PHF14: variants seen among roughly 807,000 people sequenced by gnomAD.
The protein encoded by PHF14 is PHD finger protein 14.
Under a neutral mutation model 117.9 loss-of-function variants are expected in PHF14, and 55 were observed. The ratio of observed to expected loss-of-function variants is 0.47; its 90% CI spans 0.38 to 0.58. The LOEUF is 0.58. Ranked by LOEUF, PHF14 falls within the 20% of genes least tolerant of loss-of-function variation. PHF14 has a pLI of 0.00. For missense variants in PHF14, 978 were observed against 1,122.2 expected (o/e 0.87, Z 1.84); for synonymous variants, 409 against 368.6 (o/e 1.11, Z -1.26).
rs757874460 is a variant in PHF14 at position 10,982,674 on chromosome 7, A to G, written c.415A>G (p.Thr139Ala). 8.2e-6 allele frequency: 13 copies of G among 1,588,508 alleles called. No homozygotes were observed. The highest frequency in any genetic ancestry group is 3.4e-5 in the South Asian group (3 of 88,086). ...KEREKEKEKA[T>A]VSENVAASAA... ...AAGAGAGAAGGAAAAAGAAAAAGCA[A>G]CAGTATCTGAGAATGTGGCTGCTTC... The change falls in exon 3 of 18, where the codon ACA (threonine) becomes GCA (alanine). Residue 139 changes from threonine to alanine, a missense_variant. Physicochemically the swap from Thr to Ala is moderately conservative, Grantham distance 58. Around this residue, in one of 7 missense-constraint regions of PHF14, gnomAD observed 414 missense variants for 376.4 expected, o/e 1.10. Transcript: ENST00000634607.
chr7:10,978,998 C>CT (rs1426327132), intron 2 of PHF14, among the ~76,000 whole-genome samples: 1 of 152,104 alleles, frequency 6.6e-6, no homozygotes, highest in African/African-American at 2.4e-5. Flanking sequence ...GATCTGTTAT[C>CT]TATTGTGTAT....
In PHF14 at chr7:11,163,995, A is replaced by G. The variant is rs527510666; in HGVS notation, c.2773-5421A>G. ...GTATTCTTACACTTTTAAAAGAAACATTATTAAAGTATAGAGATAATTCTG... is the reference window on the plus strand; with the variant it reads ...GTATTCTTACACTTTTAAAAGAAACGTTATTAAAGTATAGAGATAATTCTG... On this transcript the variant is annotated intron_variant, in intron 17 of 17. Coordinates refer to ENST00000634607, the MANE Select transcript of PHF14 (RefSeq NM_001007157.2). Among the ~76,000 whole-genome samples the G allele has an allele frequency of 7.9e-5, 12 of 152,328 alleles. No individual in the cohort carries two copies. In the South Asian group the frequency reaches 2.3e-3, roughly 29 times the overall value.
intron 14 of PHF14, among the ~76,000 whole-genome samples, 194 bp downstream of exon 14, chr7:11,051,974 T>G (rs1213512941): frequency 6.6e-6 from 1 of 152,158 alleles, no homozygotes; most frequent in Non-Finnish European, 1.5e-5. Flanking sequence ...TATATTTTGT[T>G]GGAGGCATAA....
chr7:11,036,038 C>A (rs1327819533), intron 8 of PHF14, among the ~76,000 whole-genome samples: 1 of 152,118 alleles, frequency 6.6e-6, no homozygotes, highest in African/African-American at 2.4e-5. Flanking sequence ...GGAAATTACT[C>A]TATCAGTGCA....
At chr7:11,058,302 A>T (rs2128328485) in intron 14 of PHF14, among the ~76,000 whole-genome samples, 1 of 151,764 alleles carries the variant, frequency 6.6e-6, no homozygotes, top group South Asian at 2.1e-4. Flanking sequence ...ATGTTTTGGG[A>T]TTCATTCAAG....
Position 11,130,362 on chromosome 7 carries a change from G to A in PHF14, c.2772+18895G>A. The stretch of plus-strand genomic sequence containing the variant: ...TCCAGGATTCAAGGAAATCCTTGGA[G>A]AGAGAGAGAACGTATATACAATTTA... On this transcript the variant is annotated intron_variant, in intron 17 of 17. Transcript: ENST00000634607. This position sits in a 1 kb window ranked among gnomAD's most constrained non-coding sequence, Gnocchi z 4.2. Among the ~76,000 whole-genome samples the A allele has an allele frequency of 6.6e-6, 1 of 151,958 alleles. No individual in the cohort carries two copies. Among genetic ancestry groups the A allele is most frequent in the Non-Finnish European group, 1.5e-5 (1 of 67,910 alleles).
At chr7:10,984,942 G>C (rs1299464283) in intron 3 of PHF14, among the ~76,000 whole-genome samples, 2 of 152,116 alleles carry the variant, frequency 1.3e-5, no homozygotes, top group Admixed American at 6.5e-5. Context: ...TCTTCGAAAA[G>C]TGCCCATGTA....
At chr7:11,077,324 G>A (rs973674905) in intron 16 of PHF14, among the ~76,000 whole-genome samples, 5 of 151,106 alleles carry the variant, frequency 3.3e-5, no homozygotes, top group South Asian at 2.1e-4. Context: ...AGATTCAGCC[G>A]GGCGCAGTGG....
chr7:11,011,156 A>C (rs1034728998), intron 4 of PHF14, among the ~76,000 whole-genome samples: 1 of 152,238 alleles, frequency 6.6e-6, no homozygotes, highest in African/African-American at 2.4e-5. Context: ...GTAACCACTG[A>C]CATATAATGA....
chr7:11,131,690 C>T (rs1045759825), intron 17 of PHF14, among the ~76,000 whole-genome samples: 2 of 151,702 alleles, frequency 1.3e-5, no homozygotes, highest in African/African-American at 4.8e-5. Flanking sequence ...GGTATTGTAT[C>T]ATCAAATTTG....
At chr7:10,976,769 T>C (rs1781880904) in intron 2 of PHF14, among the ~76,000 whole-genome samples, 2 of 151,386 alleles carry the variant, frequency 1.3e-5, no homozygotes, top group African/African-American at 4.9e-5. Flanking sequence ...TTTGTTAGGT[T>C]GATATATCTA....
chr7:11,132,418 A>G (rs533106125), intron 17 of PHF14, among the ~76,000 whole-genome samples: 1 of 151,386 alleles, frequency 6.6e-6, no homozygotes, highest in East Asian at 1.9e-4. Context: ...GTTGTGGCAG[A>G]TGGCGAGATC....
At chr7:11,006,614 G>T in intron 4 of PHF14, 1 of 614,046 alleles carries the variant, frequency 1.6e-6, no homozygotes, top group Non-Finnish European at 3.1e-6. Flanking sequence ...TCTTCTTCAT[G>T]GCAGACTCAG....
chr7:11,080,261 A>C (rs1258852691), intron 16 of PHF14, among the ~76,000 whole-genome samples: 1 of 152,146 alleles, frequency 6.6e-6, no homozygotes, highest in Non-Finnish European at 1.5e-5. Flanking sequence ...TATTTAAAAA[A>C]CAATAAAATT....
intron 14 of PHF14, among the ~76,000 whole-genome samples, chr7:11,051,996 C>G (rs2128326839): frequency 6.6e-6 from 1 of 152,208 alleles, no homozygotes; most frequent in East Asian, 1.9e-4. Context: ...ATAAGGAACA[C>G]ACCAGAGCAT....
Position 11,051,733 on chromosome 7 carries a change from C to G in PHF14, c.2434C>G (p.Pro812Ala). 6.2e-7 allele frequency: 1 copy of G among 1,613,518 alleles called. No homozygotes were observed. The highest frequency in any genetic ancestry group is 8.5e-7 in the Non-Finnish European group (1 of 1,179,656). ...GATTAAGGAACCAGTGAAATTTGTT[C>G]CACAGGATGTGCCACCAGAACCCAA... is the stretch of plus-strand genomic sequence containing the variant. Reference protein sequence around the residue: ...RQIKEPVKFVPQDVPPEPKKI... With the variant: ...RQIKEPVKFVAQDVPPEPKKI... The change falls in exon 14 of 18, where the codon CCA (proline) becomes GCA (alanine). Residue 812 changes from proline to alanine, a missense_variant. Around this residue, in one of 7 missense-constraint regions of PHF14, gnomAD observed 180 missense variants for 195.4 expected, o/e 0.92. Coordinates refer to ENST00000634607, the MANE Select transcript of PHF14 (RefSeq NM_001007157.2).
chr7:11,121,640 G>A (rs1787755376), intron 17 of PHF14, among the ~76,000 whole-genome samples: 1 of 152,028 alleles, frequency 6.6e-6, no homozygotes, highest in Admixed American at 6.6e-5. Flanking sequence ...TAAAATAAGG[G>A]TTACTTGGAC....
At position 11,066,522 on chromosome 7, in the gene PHF14, T is replaced by G. The variant is rs185779766; in HGVS notation, c.2654+4437T>G. Among the ~76,000 whole-genome samples, 7 of 152,310 alleles carry G rather than the reference T, an allele frequency of 4.6e-5. No homozygotes were observed. In the East Asian group the frequency reaches 1.4e-3, roughly 29 times the overall value. ...TAGGTCCAGGTGACAAAAACTTTCTTCTTTGTTTTCTTCTAGAAGCTTTGT... is the reference window on the plus strand; with the variant it reads ...TAGGTCCAGGTGACAAAAACTTTCTGCTTTGTTTTCTTCTAGAAGCTTTGT... On this transcript the variant is annotated intron_variant, in intron 16 of 17. Transcript: ENST00000634607.
intron 17 of PHF14, among the ~76,000 whole-genome samples, chr7:11,126,317 A>C (rs13236926): frequency 0.47 from 70,837 of 151,746 alleles, 17,156 homozygotes; most frequent in East Asian, 0.85. Flanking sequence ...TACCACTTAA[A>C]ACAATTTTCA....
Sources: gnomAD v4.1 joint callset for allele counts (sites outside exome capture counted in the v4.1 genomes callset) on GRCh38, gnomAD v4.1.1 for gene constraint, gnomAD v4.1.1 regional missense constraint, Gnocchi (gnomAD v3.1) non-coding constraint, MANE v1.5 for transcripts, NCBI Gene and HGNC (gene_info 2026-07-23, HGNC 2026-07-21) for gene names.